Variants in LRP1B observed in about 807,000 individuals in gnomAD.
LRP1B encodes the protein LDL receptor related protein 1B.
A neutral mutation model predicts 556.6 loss-of-function variants in LRP1B; 217 were observed. The observed-to-expected ratio is 0.39, with a 90% confidence interval of 0.35 to 0.44. The LOEUF is 0.44. Ranked by LOEUF, LRP1B falls within the 20% of genes least tolerant of loss-of-function variation. LRP1B has a pLI of 1.00. For missense variants in LRP1B, 5,053 were observed against 5,620.8 expected (o/e 0.90, Z 3.23); for synonymous variants, 2,047 against 1,865.8 (o/e 1.10, Z -2.50).
chr2:140,302,889 G>A (rs952722314), intron 83 of LRP1B, among the ~76,000 whole-genome samples: 3 of 151,484 alleles, frequency 2.0e-5, no homozygotes, highest in Non-Finnish European at 4.4e-5. Flanking sequence ...TTAGTTCTCC[G>A]ATTTTTAGAT....
intron 6 of LRP1B, among the ~76,000 whole-genome samples, chr2:141,214,624 T>C (rs1682714119): frequency 6.6e-6 from 1 of 152,196 alleles, no homozygotes; most frequent in African/African-American, 2.4e-5. Context: ...TTGGCTCTAA[T>C]CTTGTTTAAT....
At chr2:141,991,627 A>G (rs1702347472) in intron 1 of LRP1B, among the ~76,000 whole-genome samples, 6 of 152,152 alleles carry the variant, frequency 3.9e-5, no homozygotes, top group Admixed American at 3.9e-4. Context: ...CAGCCTTAAA[A>G]ATCAATCTCA....
chr2:141,760,140 C>CTATCATGTG (rs1694484786), intron 2 of LRP1B, among the ~76,000 whole-genome samples: 1 of 152,144 alleles, frequency 6.6e-6, no homozygotes, highest in Non-Finnish European at 1.5e-5. Context: ...GTTTCAAAAA[C>CTATCATGTG]TATCATGTGT....
intron 11 of LRP1B, among the ~76,000 whole-genome samples, chr2:141,040,520 A>T (rs72981070): frequency 6.6e-6 from 1 of 151,976 alleles, no homozygotes; most frequent in Non-Finnish European, 1.5e-5. Context: ...TACAGATTAC[A>T]TCCTGTAATC....
chr2:140,238,768 A>G (rs1211761606), intron 88 of LRP1B, among the ~76,000 whole-genome samples: 1 of 150,798 alleles, frequency 6.6e-6, no homozygotes, highest in African/African-American at 2.4e-5. Context: ...GGCTTTTAGT[A>G]TGTCCATCAC....
intron 2 of LRP1B, among the ~76,000 whole-genome samples, chr2:141,581,808 T>C (rs1033992359): frequency 6.6e-6 from 1 of 152,314 alleles, no homozygotes; most frequent in South Asian, 2.1e-4. Flanking sequence ...TGTCCTACAA[T>C]ATATGTAGGG....
chr2:141,783,824 T>A (rs533305221), intron 2 of LRP1B, among the ~76,000 whole-genome samples: 21 of 151,956 alleles, frequency 1.4e-4, no homozygotes, highest in Non-Finnish European at 2.9e-4. Flanking sequence ...TAATAACATA[T>A]CAATTACCAA....
At chr2:141,591,826 G>A (rs1687351445) in intron 2 of LRP1B, among the ~76,000 whole-genome samples, 2 of 151,840 alleles carry the variant, frequency 1.3e-5, no homozygotes, top group African/African-American at 4.8e-5. Context: ...GGAGCATTTG[G>A]GACACAATAG....
intron 1 of LRP1B, among the ~76,000 whole-genome samples, chr2:142,064,747 A>G (rs1266555320): frequency 6.6e-6 from 1 of 151,598 alleles, no homozygotes; most frequent in African/African-American, 2.4e-5. Context: ...CACTAAAACT[A>G]TCTGTATCTA....
At chr2:141,920,578 A>C (rs1024947982) in intron 1 of LRP1B, among the ~76,000 whole-genome samples, 4 of 152,008 alleles carry the variant, frequency 2.6e-5, no homozygotes, top group Admixed American at 2.6e-4. Context: ...GTATCAACTG[A>C]GAAGACTGAG....
intron 1 of LRP1B, among the ~76,000 whole-genome samples, chr2:142,082,710 G>A (rs771458791): frequency 9.9e-5 from 15 of 152,178 alleles, no homozygotes; most frequent in African/African-American, 1.7e-4. Flanking sequence ...AAACAGAATA[G>A]TCAGGTTGTG....
Position 142,099,548 on chromosome 2 carries a change from C to T in LRP1B, c.82+31100G>A, listed in dbSNP as rs541625453. 2.4e-3 allele frequency among the ~76,000 whole-genome samples: 368 copies of T among 151,960 alleles called. 1 individual carries two copies. The highest frequency in any genetic ancestry group is 8.3e-3 in the African/African-American group (346 of 41,512). The stretch of plus-strand genomic sequence containing the variant: ...ATATTTCCTTCAGAAGCTTATTTAT[C>T]CCATGTTATATAAAAATCGTTCATG... On this transcript the variant is annotated intron_variant, in intron 1 of 90. Coordinates refer to ENST00000389484, the MANE Select transcript of LRP1B (RefSeq NM_018557.3).
At chr2:140,988,259 G>A (rs1327342133) in intron 17 of LRP1B, among the ~76,000 whole-genome samples, 4 of 151,956 alleles carry the variant, frequency 2.6e-5, no homozygotes, top group Non-Finnish European at 5.9e-5. Context: ...ACTTAGGACT[G>A]GATGGTCTCT....
intron 2 of LRP1B, among the ~76,000 whole-genome samples, chr2:141,654,099 A>G (rs1316914115): frequency 6.6e-6 from 1 of 152,222 alleles, no homozygotes; most frequent in Non-Finnish European, 1.5e-5. Context: ...ATTTAATGAC[A>G]GGAACTTGTA....
intron 67 of LRP1B, among the ~76,000 whole-genome samples, chr2:140,383,485 C>A (rs2105193792): frequency 6.6e-6 from 1 of 152,088 alleles, no homozygotes; most frequent in Admixed American, 6.5e-5. Context: ...AAATTTCTGC[C>A]TGTGTAGAAC....
chr2:140,711,297 A>G (rs1312401977), intron 37 of LRP1B, among the ~76,000 whole-genome samples: 1 of 151,976 alleles, frequency 6.6e-6, no homozygotes, highest in Non-Finnish European at 1.5e-5. Context: ...AATGACATAG[A>G]AACACCCAAG....
intron 66 of LRP1B, among the ~76,000 whole-genome samples, chr2:140,395,551 A>G (rs1684210670): frequency 1.3e-5 from 2 of 152,212 alleles, no homozygotes; most frequent in African/African-American, 4.8e-5. Flanking sequence ...GTTAAGAATA[A>G]CAGTGCCAGC....
At chr2:141,013,452 T>C in intron 14 of LRP1B, 104 bp downstream of exon 14, 1 of 921,080 alleles carries the variant, frequency 1.1e-6, no homozygotes, top group East Asian at 2.9e-5. Context: ...TTGACATCTT[T>C]TATCATAAAA....
At chr2:141,884,210 A>C (rs1252219265) in intron 1 of LRP1B, among the ~76,000 whole-genome samples, 1 of 127,060 alleles carries the variant, frequency 7.9e-6, no homozygotes, top group East Asian at 2.6e-4. Flanking sequence ...TTCTGTCTCT[A>C]CAAAAAAATA....
Sources: allele counts gnomAD v4.1 joint callset (sites outside exome capture counted in the v4.1 genomes callset), GRCh38; gene constraint gnomAD v4.1.1; transcripts MANE v1.5; gene names NCBI Gene and HGNC (gene_info 2026-07-23, HGNC 2026-07-21).